MRTFA: variants seen among roughly 807,000 people sequenced by gnomAD.
MRTFA encodes myocardin related transcription factor A.
A neutral mutation model predicts 83.5 loss-of-function variants in MRTFA; 20 were observed. That is an observed-to-expected ratio of 0.24 (90% confidence interval 0.17 to 0.35). The LOEUF is 0.35. Among genes scored for constraint, MRTFA ranks in the 10% least tolerant of loss-of-function variants. The pLI, the probability that MRTFA is intolerant of heterozygous loss-of-function variation, is 1.00. For missense variants in MRTFA, 1,200 were observed against 1,224.7 expected (o/e 0.98, Z 0.30); for synonymous variants, 659 against 541.2 (o/e 1.22, Z -3.02).
chr22:40,419,807 G>A (rs925071726), intron 11 of MRTFA, among the ~76,000 whole-genome samples: 4 of 152,316 alleles, frequency 2.6e-5, no homozygotes, highest in Admixed American at 6.5e-5. Context: ...ATCTTCTGAT[G>A]GGGCAGAGAA....
At chr22:40,423,391 A>T in intron 9 of MRTFA, 145 bp downstream of exon 9, 1 of 716,442 alleles carries the variant, frequency 1.4e-6, no homozygotes, top group Non-Finnish European at 2.0e-6. Context: ...GATGGACAGC[A>T]GACAGAACGG....
At chr22:40,468,416 A>C (rs1171303594) in intron 3 of MRTFA, among the ~76,000 whole-genome samples, 1 of 152,140 alleles carries the variant, frequency 6.6e-6, no homozygotes, top group African/African-American at 2.4e-5. Flanking sequence ...AAAGAATAGG[A>C]AGGTGGGGTT....
chr22:40,534,401 T>C (rs935189827), intron 3 of MRTFA, among the ~76,000 whole-genome samples: 1 of 152,248 alleles, frequency 6.6e-6, no homozygotes, highest in Admixed American at 6.5e-5. Context: ...CTTGTGCCTA[T>C]ATTAGACATA....
At chr22:40,533,194 T>A (rs1217648443) in intron 3 of MRTFA, among the ~76,000 whole-genome samples, 2 of 152,026 alleles carry the variant, frequency 1.3e-5, no homozygotes, top group Non-Finnish European at 2.9e-5. Flanking sequence ...AGAAAAAAAA[T>A]TTAAAGATGC....
intron 2 of MRTFA, chr22:40,569,308 C>CA: frequency 4.7e-6 from 1 of 212,270 alleles, no homozygotes; most frequent in Non-Finnish European, 1.0e-5. Flanking sequence ...ACATCAAGAC[C>CA]AAAATCAAGA....
intron 2 of MRTFA, among the ~76,000 whole-genome samples, chr22:40,571,179 T>C (rs1413988085): frequency 1.3e-5 from 2 of 151,616 alleles, no homozygotes; most frequent in African/African-American, 2.4e-5. Context: ...CACTGCATAG[T>C]ATGGGCGACA....
chr22:40,550,186 CTTT>C (rs879886604), intron 3 of MRTFA, among the ~76,000 whole-genome samples: 3 of 146,102 alleles, frequency 2.1e-5, no homozygotes, highest in Non-Finnish European at 4.5e-5. Context: ...CTTCCTACTT[CTTT>C]TTTTTTTTCT....
chr22:40,433,834 A>T (rs1476771734), intron 5 of MRTFA, among the ~76,000 whole-genome samples: 1 of 152,256 alleles, frequency 6.6e-6, no homozygotes, highest in Non-Finnish European at 1.5e-5. Flanking sequence ...TACATGTGTA[A>T]ATATGGAAGT....
chr22:40,631,891 A>C (rs2056645848), intron 1 of MRTFA, among the ~76,000 whole-genome samples: 1 of 152,154 alleles, frequency 6.6e-6, no homozygotes, highest in African/African-American at 2.4e-5. Flanking sequence ...TCAGAACTTC[A>C]GTACCTTCTT....
rs2052692145 is a variant in MRTFA at position 40,416,908 on chromosome 22, AAAAC to A, written c.2578+74_2578+77del. 7.1e-7 allele frequency: 1 copy of A among 1,417,432 alleles called. No individual in the cohort carries two copies. Among genetic ancestry groups the A allele is most frequent in the Non-Finnish European group, 9.7e-7 (1 of 1,033,330 alleles). 87.8% of individuals were successfully genotyped at this position (1,417,432 alleles called of 1,614,324 possible). ...TGGTCACGCACGGAAGCATTCAATAAAAACAAACCAACCCAGGGCTAGAGACACC... is the reference window on the plus strand; with the variant it reads ...TGGTCACGCACGGAAGCATTCAATAAAAACCAACCCAGGGCTAGAGACACC... On this transcript the variant is annotated intron_variant, in intron 14 of 14. Coordinates refer to ENST00000355630, the MANE Select transcript of MRTFA (RefSeq NM_020831.6). This position sits in a 1 kb window ranked among gnomAD's most constrained non-coding sequence, Gnocchi z 4.2.
intron 1 of MRTFA, among the ~76,000 whole-genome samples, chr22:40,616,700 G>T (rs1259262867): frequency 6.6e-6 from 1 of 152,178 alleles, no homozygotes; most frequent in Non-Finnish European, 1.5e-5. Flanking sequence ...TGGAGCCAGA[G>T]CAACTTTAGC....
intron 3 of MRTFA, among the ~76,000 whole-genome samples, chr22:40,548,235 T>C (rs1310911855): frequency 6.6e-6 from 1 of 151,152 alleles, no homozygotes; most frequent in Admixed American, 6.6e-5. Context: ...GGCGCATGTC[T>C]GTAATCCCAG....
At chr22:40,473,887 A>G (rs2053952941) in intron 3 of MRTFA, among the ~76,000 whole-genome samples, 1 of 152,218 alleles carries the variant, frequency 6.6e-6, no homozygotes, top group African/African-American at 2.4e-5. Flanking sequence ...AACACTCACC[A>G]GTTTCATTCT....
chr22:40,550,048 C>CAAAAA (rs3044559), intron 3 of MRTFA, among the ~76,000 whole-genome samples: 2 of 130,316 alleles, frequency 1.5e-5, no homozygotes, highest in African/African-American at 2.8e-5. Flanking sequence ...GACTCTGTTG[C>CAAAAA]AAAAAAAAAA....
chr22:40,498,967 T>C (rs2054408988), intron 3 of MRTFA, among the ~76,000 whole-genome samples: 1 of 152,186 alleles, frequency 6.6e-6, no homozygotes, highest in South Asian at 2.1e-4. Flanking sequence ...AATCAGTGTG[T>C]TGGGTATACA....
chr22:40,507,491 G>T lies in MRTFA; in HGVS notation c.242-44205C>A, dbSNP rs545765473. On this transcript the variant is annotated intron_variant, in intron 3 of 14. Transcript: ENST00000355630. Reference sequence around the variant, plus strand: ...CTAAAAAGAATACAAAAAATTAGAAGGGTGCCTGCAGTCCTAGCTATTAGA... The same window carrying T: ...CTAAAAAGAATACAAAAAATTAGAATGGTGCCTGCAGTCCTAGCTATTAGA... 1.7e-3 allele frequency among the ~76,000 whole-genome samples: 255 copies of T among 151,996 alleles called. 1 individual carries two copies. The highest frequency in any genetic ancestry group is 5.8e-3 in the African/African-American group (240 of 41,430).
chr22:40,506,286 T>C (rs1403147818), intron 3 of MRTFA, among the ~76,000 whole-genome samples: 1 of 152,178 alleles, frequency 6.6e-6, no homozygotes, highest in African/African-American at 2.4e-5. Flanking sequence ...AATTCTTTGA[T>C]AAAATATAGT....
chr22:40,558,487 T>C (rs2055566020), intron 2 of MRTFA, among the ~76,000 whole-genome samples: 1 of 152,036 alleles, frequency 6.6e-6, no homozygotes, highest in African/African-American at 2.4e-5. Flanking sequence ...CCTACTACTT[T>C]GAATTATTAT....
chr22:40,485,986 G>A (rs2054168747), intron 3 of MRTFA, among the ~76,000 whole-genome samples: 1 of 152,196 alleles, frequency 6.6e-6, no homozygotes, highest in Non-Finnish European at 1.5e-5. Flanking sequence ...CAACCTGGCA[G>A]GCCTTCGAAG....
Sources: gnomAD v4.1 joint callset for allele counts (sites outside exome capture counted in the v4.1 genomes callset) on GRCh38, gnomAD v4.1.1 for gene constraint, Gnocchi (gnomAD v3.1) non-coding constraint, MANE v1.5 for transcripts, NCBI Gene and HGNC (gene_info 2026-07-23, HGNC 2026-07-21) for gene names.